Variants in RBM6 observed in about 807,000 individuals in gnomAD.
RBM6 encodes RNA-binding protein 6.
Under a neutral mutation model 140.4 loss-of-function variants are expected in RBM6, and 23 were observed. The ratio of observed to expected loss-of-function variants is 0.16; its 90% CI spans 0.12 to 0.23. The LOEUF is 0.23. Among genes scored for constraint, RBM6 ranks in the 10% least tolerant of loss-of-function variants. The pLI is 1.00. For synonymous variants in RBM6, 439 were observed against 475.6 expected (o/e 0.92, Z 1.00); for missense variants, 1,139 against 1,386.7 (o/e 0.82, Z 2.84).
intron 14 of RBM6, 163 bp downstream of exon 14, chr3:50,061,710 G>T: frequency 7.0e-7 from 1 of 1,429,240 alleles, no homozygotes; most frequent in Non-Finnish European, 9.2e-7. Flanking sequence ...AAACAGAACT[G>T]TTGCCTATAT....
chr3:50,033,799 G>A (rs1297366180), intron 6 of RBM6, among the ~76,000 whole-genome samples: 2 of 152,132 alleles, frequency 1.3e-5, no homozygotes, highest in East Asian at 3.9e-4. Flanking sequence ...ATACCACCAC[G>A]CCCAGCTAAT....
intron 1 of RBM6, among the ~76,000 whole-genome samples, chr3:49,957,849 T>G (rs903840360): frequency 2.6e-5 from 4 of 151,528 alleles, no homozygotes; most frequent in South Asian, 2.1e-4. Flanking sequence ...TTTTTTTTTT[T>G]GGGATGGAGT....
intron 6 of RBM6, among the ~76,000 whole-genome samples, chr3:50,000,346 C>CTT (rs780436283): frequency 9.1e-6 from 1 of 110,156 alleles, no homozygotes; most frequent in Non-Finnish European, 1.9e-5. Flanking sequence ...TTTTTTTTTT[C>CTT]TTTTTTTTTT....
intron 6 of RBM6, among the ~76,000 whole-genome samples, chr3:50,036,722 A>G (rs2088557318): frequency 6.6e-6 from 1 of 152,216 alleles, no homozygotes; most frequent in Admixed American, 6.5e-5. Context: ...TAGAACAAAA[A>G]GGATTAGGGA....
intron 2 of RBM6, among the ~76,000 whole-genome samples, chr3:49,963,981 G>A (rs2084399035): frequency 1.3e-5 from 2 of 152,002 alleles, no homozygotes; most frequent in African/African-American, 2.4e-5. Context: ...GCTCACTGCA[G>A]CCTTTGCCTC....
In RBM6 at chr3:49,967,179, C is replaced by T; in HGVS notation, c.45-291C>T. ...ACCATTGTTAGCTTATTTGGTATTG[C>T]GGATTTTCCCTGTTGCAGGACTGGG... On this transcript the variant is annotated intron_variant, in intron 2 of 20. Coordinates refer to ENST00000266022, the MANE Select transcript of RBM6 (RefSeq NM_005777.3). This position sits in a 1 kb window ranked among gnomAD's most constrained non-coding sequence, Gnocchi z 4.0. 4.4e-6 allele frequency: 5 copies of T among 1,129,192 alleles called. No homozygotes were observed. Among genetic ancestry groups the T allele is most frequent in the Non-Finnish European group, 5.4e-6 (5 of 917,856 alleles). The allele number at this position is 1,129,192 out of a possible 1,614,324, so 69.9% of individuals were successfully genotyped here.
At chr3:50,006,901 C>T (rs2086606654) in intron 6 of RBM6, among the ~76,000 whole-genome samples, 1 of 148,208 alleles carries the variant, frequency 6.7e-6, no homozygotes, top group Admixed American at 6.8e-5. Flanking sequence ...CACTGCACTC[C>T]AGCCTGGGCG....
At chr3:50,061,581 T>TTTTTTC in intron 14 of RBM6, 34 bp downstream of exon 14, 1 of 1,558,776 alleles carries the variant, frequency 6.4e-7, no homozygotes, top group Non-Finnish European at 8.6e-7. Context: ...TTTTTTTTTT[T>TTTTTTC]TTTACCTCTG....
At chr3:50,047,083 G>A in intron 6 of RBM6, 1 of 822,102 alleles carries the variant, frequency 1.2e-6, no homozygotes, top group South Asian at 5.6e-5. Flanking sequence ...TAGGTAGATG[G>A]GCAATTTTCC....
intron 6 of RBM6, among the ~76,000 whole-genome samples, chr3:50,040,684 TCTTA>T (rs1443297304): frequency 6.8e-6 from 1 of 147,568 alleles, no homozygotes; most frequent in Non-Finnish European, 1.5e-5. Flanking sequence ...TGAGATTGGG[TCTTA>T]CTTTGTCACC....
chr3:50,039,039 A>C (rs541085615), intron 6 of RBM6, among the ~76,000 whole-genome samples: 1 of 152,110 alleles, frequency 6.6e-6, no homozygotes, highest in Admixed American at 6.6e-5. Context: ...GTTTCTGTAC[A>C]TATTCTACTT....
At chr3:49,981,048 G>A (rs1244250819) in intron 5 of RBM6, among the ~76,000 whole-genome samples, 7 of 151,696 alleles carry the variant, frequency 4.6e-5, no homozygotes, top group African/African-American at 1.5e-4. Context: ...GATTATAGGC[G>A]CCTGCCACCA....
chr3:49,941,496 C>T (rs1188405599), intron 1 of RBM6, among the ~76,000 whole-genome samples: 2 of 151,628 alleles, frequency 1.3e-5, no homozygotes, highest in Non-Finnish European at 2.9e-5. Flanking sequence ...CAAAATTAGC[C>T]GGGCATGGTG....
chr3:50,049,894 C>T (rs1208803081), intron 7 of RBM6, among the ~76,000 whole-genome samples: 1 of 150,968 alleles, frequency 6.6e-6, no homozygotes, highest in Non-Finnish European at 1.5e-5. Context: ...CACTATGTTG[C>T]CCAGGCTGGT....
intron 5 of RBM6, among the ~76,000 whole-genome samples, chr3:49,986,334 C>T (rs1415670956): frequency 1.3e-5 from 2 of 151,218 alleles, no homozygotes; most frequent in African/African-American, 2.4e-5. Flanking sequence ...GTGGCTCACG[C>T]GTGTGATCCC....
At chr3:50,003,296 C>T (rs1308332973) in intron 6 of RBM6, among the ~76,000 whole-genome samples, 12 of 133,466 alleles carry the variant, frequency 9.0e-5, no homozygotes, top group Admixed American at 8.0e-4. Flanking sequence ...ATAGTGAGAC[C>T]CTGTCTAAAT....
intron 6 of RBM6, among the ~76,000 whole-genome samples, chr3:50,003,185 G>A (rs2086420858): frequency 6.6e-6 from 1 of 151,766 alleles, no homozygotes; most frequent in African/African-American, 2.4e-5. Flanking sequence ...AAATGTGTTT[G>A]TAGGCCGGGC....
intron 1 of RBM6, among the ~76,000 whole-genome samples, chr3:49,951,737 T>A (rs1200586753): frequency 1.3e-5 from 2 of 151,350 alleles, no homozygotes; most frequent in Non-Finnish European, 2.9e-5. Flanking sequence ...TGTTCTGTTT[T>A]TTTGAGGTGG....
chr3:50,066,857 A>G (rs1344060945), intron 17 of RBM6, among the ~76,000 whole-genome samples: 4 of 151,228 alleles, frequency 2.6e-5, no homozygotes, highest in Non-Finnish European at 5.9e-5. Flanking sequence ...AAAACTGTTG[A>G]CTCATATTAT....
Sources: gnomAD v4.1 joint callset for allele counts (sites outside exome capture counted in the v4.1 genomes callset) on GRCh38, gnomAD v4.1.1 for gene constraint, Gnocchi (gnomAD v3.1) non-coding constraint, MANE v1.5 for transcripts, NCBI Gene and HGNC (gene_info 2026-07-23, HGNC 2026-07-21) for gene names.